NOL4L: variants seen among roughly 807,000 people sequenced by gnomAD.
The protein encoded by NOL4L is nucleolar protein 4-like.
Under a neutral mutation model 64.5 loss-of-function variants are expected in NOL4L, and 7 were observed. The ratio of observed to expected loss-of-function variants is 0.11; its 90% CI spans 0.06 to 0.20. NOL4L has a LOEUF of 0.20. NOL4L is among the 10% of genes least tolerant of loss of function. The pLI is 1.00. For synonymous variants in NOL4L, 413 were observed against 401.0 expected (o/e 1.03, Z -0.36); for missense variants, 680 against 967.1 (o/e 0.70, Z 3.94).
In NOL4L at chr20:32,453,201, T is replaced by C. The variant is rs1282372325; in HGVS notation, c.1497+103A>G. 6.9e-7 allele frequency: 1 copy of C among 1,455,988 alleles called. No individual in the cohort carries two copies. The allele number at this position is 1,455,988 out of a possible 1,614,324, so 90.2% of individuals were successfully genotyped here. ...GGATTATGGTACTTGCTTCCAGGGC[T>C]CCTGGGAAGACCCTGGGTGAAGGGG... is the stretch of plus-strand genomic sequence containing the variant. On this transcript the variant is annotated intron_variant, in intron 8 of 10. Coordinates refer to ENST00000621426, the MANE Select transcript of NOL4L (RefSeq NM_001256798.2). This position sits in a 1 kb window ranked among gnomAD's most constrained non-coding sequence, Gnocchi z 5.6.
intron 1 of NOL4L, among the ~76,000 whole-genome samples, chr20:32,569,546 A>G (rs370660479): frequency 6.6e-6 from 1 of 152,072 alleles, no homozygotes; most frequent in African/African-American, 2.4e-5. Context: ...CTAGAGCACT[A>G]CTTCCTGGGA....
chr20:32,584,518 TGCCCCAAGCCCCGCGGCGGGACCC>T, intron 1 of NOL4L, 28 bp downstream of exon 1: 1 of 447,992 alleles, frequency 2.2e-6, no homozygotes, highest in Non-Finnish European at 3.1e-6. Context: ...CCCGCCCGCC[TGCCCCAAGCCCCGCGGCGGGACCC>T]GCCCGCGGCC....
chr20:32,572,185 C>A (rs1435142567), intron 1 of NOL4L, among the ~76,000 whole-genome samples: 1 of 152,210 alleles, frequency 6.6e-6, no homozygotes, highest in Non-Finnish European at 1.5e-5. Flanking sequence ...CTGCCTCTTC[C>A]CAGCTTTGTG....
intron 1 of NOL4L, among the ~76,000 whole-genome samples, chr20:32,552,298 G>A (rs192741438): frequency 3.9e-5 from 6 of 152,216 alleles, no homozygotes; most frequent in South Asian, 2.1e-4. Flanking sequence ...GATTTCGCCC[G>A]GGGAGAGGAA....
intron 4 of NOL4L, chr20:32,475,239 C>G: frequency 4.1e-6 from 4 of 985,482 alleles, no homozygotes; most frequent in Non-Finnish European, 4.8e-6. Context: ...GAATTCCTTT[C>G]TCCCACTCCC....
chr20:32,465,371 G>C (rs1600675981), intron 5 of NOL4L, among the ~76,000 whole-genome samples: 1 of 152,134 alleles, frequency 6.6e-6, no homozygotes, highest in Non-Finnish European at 1.5e-5. Context: ...AGCCTCCAAG[G>C]CCAGCCTTGA....
intron 2 of NOL4L, among the ~76,000 whole-genome samples, chr20:32,523,876 G>GC (rs2018033132): frequency 6.6e-6 from 1 of 152,154 alleles, no homozygotes; most frequent in Admixed American, 6.5e-5. Flanking sequence ...TCGCTGACTT[G>GC]CAAGGCCCCA....
Position 32,456,166 on chromosome 20 carries a change from G to C in NOL4L, c.1071C>G (p.Ala357=), listed in dbSNP as rs143234378. The C allele has an allele frequency of 3.8e-5, 60 of 1,579,542 alleles. No homozygotes were observed. The Admixed American group carries it at 6.8e-4, about 18-fold the overall frequency. Residue 357 remains alanine (A), a synonymous_variant, in exon 6 of 11, where the codon GCC becomes GCG. Coordinates refer to ENST00000621426, the MANE Select transcript of NOL4L (RefSeq NM_001256798.2). ...TASYPSDGCG[A]DGLRSRVKYG... ...ATTTGACGCGGCTCCGCAGCCCGTC[G>C]GCACCGCAGCCATCCGAGGGGTAGG...
At chr20:32,470,908 T>C (rs1342026475) in intron 5 of NOL4L, among the ~76,000 whole-genome samples, 1 of 152,198 alleles carries the variant, frequency 6.6e-6, no homozygotes, top group Non-Finnish European at 1.5e-5. Context: ...TCTGGCTGAG[T>C]TGCCCCAAGT....
chr20:32,509,517 CAAAAAA>C (rs71338441), intron 4 of NOL4L, among the ~76,000 whole-genome samples: 9 of 62,842 alleles, frequency 1.4e-4, no homozygotes, highest in East Asian at 7.9e-4. Context: ...GACTCTGCCT[CAAAAAA>C]AAAAAAAAAA....
chr20:32,475,716 G>A (rs948048967), intron 4 of NOL4L, among the ~76,000 whole-genome samples: 2 of 152,078 alleles, frequency 1.3e-5, no homozygotes, highest in African/African-American at 4.8e-5. Flanking sequence ...AGACACAATG[G>A]CCTCTGTGGG....
intron 5 of NOL4L, among the ~76,000 whole-genome samples, chr20:32,461,323 C>T (rs953905053): frequency 3.9e-5 from 6 of 151,976 alleles, no homozygotes; most frequent in African/African-American, 1.5e-4. Context: ...GTCCCCTTGG[C>T]GCAGTCCCTC....
chr20:32,500,714 A>G (rs2016890196), intron 4 of NOL4L, among the ~76,000 whole-genome samples: 1 of 152,070 alleles, frequency 6.6e-6, no homozygotes, highest in African/African-American at 2.4e-5. Flanking sequence ...GGAGTCTTAC[A>G]GTGCCAGAAA....
chr20:32,505,800 G>A (rs1017232654), intron 4 of NOL4L, among the ~76,000 whole-genome samples: 1 of 152,168 alleles, frequency 6.6e-6, no homozygotes, highest in African/African-American at 2.4e-5. Flanking sequence ...AAGGACAAAA[G>A]GACATCTGAT....
chr20:32,462,363 C>T (rs530279926), intron 5 of NOL4L, among the ~76,000 whole-genome samples: 21 of 152,300 alleles, frequency 1.4e-4, no homozygotes, highest in African/African-American at 4.6e-4. Flanking sequence ...GGGCTGGGAT[C>T]GCTCTGCATG....
chr20:32,450,950 A>C (rs141297214), intron 10 of NOL4L, among the ~76,000 whole-genome samples: 1 of 152,146 alleles, frequency 6.6e-6, no homozygotes, highest in South Asian at 2.1e-4. Flanking sequence ...CCCAGGCAGG[A>C]ATCTTCCAGG....
intron 1 of NOL4L, among the ~76,000 whole-genome samples, chr20:32,581,277 C>T (rs1467732073): frequency 1.3e-5 from 2 of 152,184 alleles, no homozygotes; most frequent in South Asian, 2.1e-4. Flanking sequence ...TGCCCCACCC[C>T]CACTTGGGCC....
chr20:32,457,708 CA>C (rs1281699677), intron 5 of NOL4L, among the ~76,000 whole-genome samples: 62 of 152,170 alleles, frequency 4.1e-4, no homozygotes, highest in Non-Finnish European at 8.8e-4. Context: ...TCCCCTGGGC[CA>C]GGCGTCCTGT....
chr20:32,456,254 G>T lies in NOL4L; in HGVS notation c.983C>A (p.Ala328Asp). 6.2e-7 allele frequency: 1 copy of T among 1,606,192 alleles called. No homozygotes were observed. Among genetic ancestry groups the T allele is most frequent in the Non-Finnish European group, 8.5e-7 (1 of 1,176,460 alleles). The change falls in exon 6 of 11, where the codon GCC becomes GAC. Residue 328 changes from alanine to aspartate, a missense_variant. This residue lies in a region of NOL4L where 254 missense variants were observed against 238.7 expected (regional missense o/e 1.06). Coordinates refer to ENST00000621426, the MANE Select transcript of NOL4L (RefSeq NM_001256798.2). ...ACACAGGTTGATGGGCTGATCCTCG[G>T]CGGCCGTGGTGAAGTCCATGGGGGC... Reference protein sequence around the residue: ...AVAPMDFTTAAEDQPINLCDK... With the variant: ...AVAPMDFTTADEDQPINLCDK...
Sources: allele counts gnomAD v4.1 joint callset (sites outside exome capture counted in the v4.1 genomes callset), GRCh38; gene constraint gnomAD v4.1.1; regional missense constraint gnomAD v4.1.1; non-coding constraint Gnocchi (gnomAD v3.1); transcripts MANE v1.5; gene names NCBI Gene and HGNC (gene_info 2026-07-23, HGNC 2026-07-21).